SGCZ: variants seen among roughly 807,000 people sequenced by gnomAD.
The protein encoded by SGCZ is zeta-sarcoglycan.
In SGCZ, 40 loss-of-function variants were observed where a neutral mutation model predicts 41.3. The ratio of observed to expected loss-of-function variants is 0.97; its 90% CI spans 0.75 to 1.26. The LOEUF (loss-of-function observed/expected upper bound fraction) is 1.26. Among genes scored for constraint, SGCZ ranks in the 50% most tolerant of loss-of-function variants. The pLI, the probability that SGCZ is intolerant of heterozygous loss-of-function variation, is 0.00. For missense variants in SGCZ, 552 were observed against 369.8 expected, an observed-to-expected ratio of 1.49 and a Z score of -4.04; for synonymous variants, 206 against 137.5, an observed-to-expected ratio of 1.50 and a Z score of -3.49.
At chr8:14,396,141 T>C (rs1798913049) in intron 2 of SGCZ, among the ~76,000 whole-genome samples, 1 of 152,166 alleles carries the variant, frequency 6.6e-6, no homozygotes, top group South Asian at 2.1e-4. Context: ...CTTGTCAGTA[T>C]TCTAATACTC....
intron 1 of SGCZ, among the ~76,000 whole-genome samples, chr8:15,038,627 A>C (rs1272981464): frequency 1.3e-5 from 2 of 152,070 alleles, no homozygotes; most frequent in East Asian, 3.9e-4. Flanking sequence ...CAAATTACAG[A>C]GCTTCTGCAC....
At chr8:15,036,388 C>G (rs1321620592) in intron 1 of SGCZ, among the ~76,000 whole-genome samples, 3 of 152,000 alleles carry the variant, frequency 2.0e-5, no homozygotes, top group Admixed American at 6.6e-5. Flanking sequence ...GAGTAACACA[C>G]AGTGGGGCCT....
chr8:14,676,215 C>A (rs765626911), intron 1 of SGCZ, among the ~76,000 whole-genome samples: 5 of 152,180 alleles, frequency 3.3e-5, no homozygotes, highest in Non-Finnish European at 5.9e-5. Context: ...ATCATCCCTG[C>A]AATGCCAGAA....
chr8:14,883,588 T>G (rs769533124), intron 1 of SGCZ, among the ~76,000 whole-genome samples: 28 of 152,060 alleles, frequency 1.8e-4, no homozygotes, highest in Non-Finnish European at 3.8e-4. Flanking sequence ...ACTTCATATT[T>G]CATTCTCTTC....
chr8:15,066,014 G>C (rs1805126102), intron 1 of SGCZ, among the ~76,000 whole-genome samples: 1 of 152,134 alleles, frequency 6.6e-6, no homozygotes, highest in South Asian at 2.1e-4. Context: ...AATGGCCTTA[G>C]AAGTCCACCT....
chr8:15,073,585 G>A (rs555427777), intron 1 of SGCZ, among the ~76,000 whole-genome samples: 42 of 152,226 alleles, frequency 2.8e-4, no homozygotes, highest in African/African-American at 1.0e-3. Context: ...AAATATCCAG[G>A]AAAGCAACTG....
chr8:14,314,480 G>A (rs1054363206), intron 3 of SGCZ, among the ~76,000 whole-genome samples: 2 of 152,230 alleles, frequency 1.3e-5, no homozygotes, highest in South Asian at 4.1e-4. Context: ...TCCAGTCATA[G>A]TATTGACTTT....
chr8:14,497,726 G>C lies in SGCZ; in HGVS notation c.234+57006C>G, dbSNP rs568943181. On this transcript the variant is annotated intron_variant, in intron 2 of 7. Transcript: ENST00000382080. ...TTCCTGTGCTAAACCGTTCATAAGG[G>C]ATCCACCCCATGATCTAATACCTCC... is the stretch of plus-strand genomic sequence containing the variant. 2.0e-5 allele frequency among the ~76,000 whole-genome samples: 3 copies of C among 152,094 alleles called. No individual in the cohort carries two copies. In the South Asian group the frequency reaches 6.2e-4, roughly 32 times the overall value.
chr8:15,145,007 T>C (rs1799000349), intron 1 of SGCZ, among the ~76,000 whole-genome samples: 1 of 152,188 alleles, frequency 6.6e-6, no homozygotes. Context: ...ATTTTAGCTG[T>C]TTAGCCCTGT....
At chr8:14,516,597 G>T (rs1802628315) in intron 2 of SGCZ, among the ~76,000 whole-genome samples, 1 of 151,966 alleles carries the variant, frequency 6.6e-6, no homozygotes, top group South Asian at 2.1e-4. Context: ...GCAATTTTAA[G>T]GAAGCTGTGA....
chr8:14,608,656 G>GGC (rs77212933), intron 1 of SGCZ, among the ~76,000 whole-genome samples: 152,130 of 152,136 alleles, frequency 1, 76,062 homozygotes, highest in Middle Eastern at 1. Flanking sequence ...CATTTGGTGG[G>GGC]CTGGTGGAAG....
intron 1 of SGCZ, among the ~76,000 whole-genome samples, chr8:14,642,954 T>C (rs916906799): frequency 2.0e-5 from 3 of 151,538 alleles, no homozygotes; most frequent in African/African-American, 4.8e-5. Context: ...CCTCGATATA[T>C]TGCAAACCCC....
chr8:14,119,797 T>C (rs572039409), intron 5 of SGCZ, among the ~76,000 whole-genome samples: 4 of 152,334 alleles, frequency 2.6e-5, no homozygotes, highest in East Asian at 1.9e-4. Context: ...ATCAAAGGCC[T>C]TTTCTGAATC....
intron 1 of SGCZ, among the ~76,000 whole-genome samples, chr8:14,613,379 C>G (rs903382907): frequency 2.0e-5 from 3 of 151,990 alleles, no homozygotes; most frequent in Non-Finnish European, 4.4e-5. Flanking sequence ...GGATAATTAA[C>G]AAAAGAAATA....
At chr8:14,346,078 A>T (rs1802882514) in intron 2 of SGCZ, among the ~76,000 whole-genome samples, 1 of 152,114 alleles carries the variant, frequency 6.6e-6, no homozygotes, top group East Asian at 1.9e-4. Flanking sequence ...GTGAATTATG[A>T]ATTTTAGTTA....
intron 1 of SGCZ, among the ~76,000 whole-genome samples, chr8:15,227,046 G>T (rs559278338): frequency 6.6e-6 from 1 of 152,298 alleles, no homozygotes; most frequent in South Asian, 2.1e-4. Flanking sequence ...TGACTGCAAA[G>T]CATCCAGGTA....
chr8:14,412,376 G>A (rs991985324), intron 2 of SGCZ, among the ~76,000 whole-genome samples: 6 of 152,038 alleles, frequency 3.9e-5, no homozygotes, highest in African/African-American at 1.4e-4. Flanking sequence ...TTATAATTAT[G>A]TGTTTCCCTT....
intron 3 of SGCZ, among the ~76,000 whole-genome samples, chr8:14,264,145 C>T (rs763155388): frequency 2.6e-5 from 4 of 152,170 alleles, no homozygotes; most frequent in Non-Finnish European, 5.9e-5. Flanking sequence ...GCCATAGCTG[C>T]CCTGGTCCCA....
intron 1 of SGCZ, among the ~76,000 whole-genome samples, chr8:14,826,247 T>A (rs1005571407): frequency 6.6e-6 from 1 of 152,152 alleles, no homozygotes; most frequent in Non-Finnish European, 1.5e-5. Flanking sequence ...TCCATGTCCC[T>A]ACAAAGGATA....
Sources: gnomAD v4.1 joint callset for allele counts (sites outside exome capture counted in the v4.1 genomes callset) on GRCh38, gnomAD v4.1.1 for gene constraint, MANE v1.5 for transcripts, NCBI Gene and HGNC (gene_info 2026-07-23, HGNC 2026-07-21) for gene names.